The following CHAF1A variants were observed in gnomAD, a reference collection of about 807,000 sequenced individuals.
The protein encoded by CHAF1A is CAF-1 subunit A.
Under a neutral mutation model 93.2 loss-of-function variants are expected in CHAF1A, and 5 were observed. The ratio of observed to expected loss-of-function variants is 0.05; its 90% CI spans 0.03 to 0.11. The LOEUF is 0.11. CHAF1A is among the 10% of genes least tolerant of loss of function. The probability of loss-of-function intolerance (pLI) is 1.00; values close to 1 mark genes in which losing one functional copy is unlikely to be tolerated. For missense variants in CHAF1A, 1,102 were observed against 1,259.9 expected (o/e 0.87, Z 1.90); for synonymous variants, 504 against 510.3 (o/e 0.99, Z 0.17).
In CHAF1A at chr19:4,411,686, C is replaced by T. The variant is rs1370710786; in HGVS notation, c.960+1927C>T. 7.0e-4 allele frequency among the ~76,000 whole-genome samples: 51 copies of T among 73,234 alleles called. 1 individual carries two copies. The highest frequency in any genetic ancestry group is 2.4e-3 in the Admixed American group (17 of 7,006). 48.0% of individuals were successfully genotyped at this position (73,234 alleles called of 152,430 possible). A position where few individuals can be genotyped will look rare whatever the true frequency, so the allele number is the denominator to read the frequency against. On this transcript the variant is annotated intron_variant, in intron 3 of 14. Transcript: ENST00000301280. ...TTTTTGAGACATGGTCTCACCCTGT[C>T]GCCCAGGCTGGAGGGCAATGGCATG...
At chr19:4,431,362 C>T (rs1163687136) in intron 11 of CHAF1A, among the ~76,000 whole-genome samples, 1 of 152,110 alleles carries the variant, frequency 6.6e-6, no homozygotes, top group African/African-American at 2.4e-5. Flanking sequence ...CTCCTGACCT[C>T]CAGTGATCCA....
intron 1 of CHAF1A, among the ~76,000 whole-genome samples, chr19:4,404,858 AT>A (rs968590498): frequency 6.6e-6 from 1 of 151,866 alleles, no homozygotes; most frequent in Admixed American, 6.6e-5. Context: ...GTTTCTTGAG[AT>A]TTTTTTTGCA....
chr19:4,403,599 C>T (rs1343953260), intron 1 of CHAF1A, among the ~76,000 whole-genome samples: 1 of 152,270 alleles, frequency 6.6e-6, no homozygotes, highest in Non-Finnish European at 1.5e-5. Context: ...TTGTTGCCGT[C>T]CTGGGCACGG....
rs149366539 is a variant in CHAF1A at position 4,424,724 on chromosome 19, T to G, written c.1377+850T>G. The stretch of plus-strand genomic sequence containing the variant: ...ATCTCAGCTCACTGCAACGTCCACC[T>G]CCCGGGTTCCAGTGATTCTTCTGTG... On this transcript the variant is annotated intron_variant, in intron 7 of 14. Coordinates refer to ENST00000301280, the MANE Select transcript of CHAF1A (RefSeq NM_005483.3). Among the ~76,000 whole-genome samples the G allele has an allele frequency of 6.8e-4, 104 of 152,338 alleles. 1 individual carries two copies. The highest frequency in any genetic ancestry group is 2.2e-3 in the African/African-American group (92 of 41,576).
downstream of CHAF1A, chr19:4,447,680 C>T (rs1006115308): frequency 1.3e-6 from 2 of 1,570,168 alleles, no homozygotes; most frequent in Non-Finnish European, 1.8e-6. Flanking sequence ...CACCCGGCCC[C>T]TCTGTGCCTC....
intron 7 of CHAF1A, among the ~76,000 whole-genome samples, chr19:4,425,370 A>T (rs534503556): frequency 3.3e-5 from 5 of 152,136 alleles, no homozygotes; most frequent in African/African-American, 9.6e-5. Context: ...CTTCTACCTC[A>T]GCCTCCCGAG....
intron 4 of CHAF1A, 61 bp downstream of exon 4, chr19:4,418,137 G>A (rs915019634): frequency 8.5e-7 from 1 of 1,183,414 alleles, no homozygotes; most frequent in African/African-American, 1.5e-5. Context: ...TAAATAGTAA[G>A]CAAAGCCCTT....
intron 14 of CHAF1A, among the ~76,000 whole-genome samples, chr19:4,442,654 C>T (rs568407023): frequency 6.6e-6 from 1 of 152,346 alleles, no homozygotes; most frequent in African/African-American, 2.4e-5. Flanking sequence ...TTCTGGAGCA[C>T]TCGCCAAAGA....
At chr19:4,438,500 T>C (rs1446172558) in intron 13 of CHAF1A, among the ~76,000 whole-genome samples, 1 of 151,686 alleles carries the variant, frequency 6.6e-6, no homozygotes, top group Non-Finnish European at 1.5e-5. Flanking sequence ...AGTCTTTAAA[T>C]CTTTTTACTT....
chr19:4,446,995 G>A (rs1425964274), downstream of CHAF1A: 2 of 1,478,392 alleles, frequency 1.4e-6, no homozygotes, highest in Non-Finnish European at 9.3e-7. Context: ...CCAGTCCAGG[G>A]GCCCGGCTCT....
At chr19:4,448,463 C>T (rs756701594), downstream of CHAF1A, 7 of 1,480,784 alleles carry the variant, frequency 4.7e-6, no homozygotes, top group South Asian at 1.2e-5. Flanking sequence ...GCCCGGGCCG[C>T]ACGGCCCTCC....
intron 2 of CHAF1A, among the ~76,000 whole-genome samples, chr19:4,406,219 G>A (rs1568428368): frequency 6.6e-6 from 1 of 152,218 alleles, no homozygotes; most frequent in Non-Finnish European, 1.5e-5. Context: ...AGGGAGCGTA[G>A]CAGCATCCCT....
chr19:4,440,767 G>C (rs1974372397), intron 13 of CHAF1A, among the ~76,000 whole-genome samples: 1 of 151,806 alleles, frequency 6.6e-6, no homozygotes, highest in Non-Finnish European at 1.5e-5. Context: ...GCAGGTGACT[G>C]ACTGCTCCAT....
chr19:4,418,773 G>A (rs1051323698), intron 4 of CHAF1A, among the ~76,000 whole-genome samples: 4 of 152,012 alleles, frequency 2.6e-5, no homozygotes, highest in African/African-American at 7.2e-5. Flanking sequence ...CTCTACACTC[G>A]ATGGGTGGTT....
chr19:4,445,093 T>TCA (rs1974475730), downstream of CHAF1A: 1 of 190,672 alleles, frequency 5.2e-6, no homozygotes, highest in Admixed American at 5.5e-5. Flanking sequence ...CCTGCCGTTG[T>TCA]CACCCACATC....
downstream of CHAF1A, chr19:4,445,452 G>A (rs780583507): frequency 1.2e-6 from 2 of 1,611,158 alleles, no homozygotes; most frequent in Non-Finnish European, 1.7e-6. Context: ...GGAACAGGGA[G>A]AGCATGAGAC....
rs1424778636 is a variant in CHAF1A, at chr19:4,428,650, C to T, written c.1378-14C>T. The T allele has an allele frequency of 1.9e-6, 3 of 1,611,170 alleles. No homozygotes were observed. The highest frequency in any genetic ancestry group is 2.2e-5 in the East Asian group (1 of 44,824). ...ATTGCTCGAAGACCCCATCGGGTCT[C>T]TTCTTGATTTCAGACCCTGGCCGGC... On this transcript the variant is annotated splice_polypyrimidine_tract_variant and intron_variant, in intron 7 of 14. Transcript: ENST00000301280.
rs746820349 is a variant in CHAF1A at position 4,429,458 on chromosome 19, G to A, written c.1625G>A (p.Arg542His). The change falls in exon 9 of 15, where the codon CGT becomes CAT. Residue 542 changes from arginine (R) to histidine (H), a missense_variant. By Grantham distance (29) the Arg-to-His change is conservative. This residue lies in a region of CHAF1A where 335 missense variants were observed against 361.9 expected (regional missense o/e 0.93). Transcript: ENST00000301280. ...IFNSDVVIVE[R>H]GKGDGVPERR... Reference sequence around the variant, plus strand: ...CTCAGTGATGTCGTCATCGTGGAGCGTGGGAAGGGCGACGGTGTTCCCGAG... The same window carrying A: ...CTCAGTGATGTCGTCATCGTGGAGCATGGGAAGGGCGACGGTGTTCCCGAG... 18 of 1,613,886 alleles carry A rather than the reference G, an allele frequency of 1.1e-5. No homozygotes were observed. The highest frequency in any genetic ancestry group is 6.7e-5 in the African/African-American group (5 of 74,884).
chr19:4,447,279 G>C, downstream of CHAF1A: 1 of 572,282 alleles, frequency 1.7e-6, no homozygotes, highest in East Asian at 2.9e-5. Flanking sequence ...CCCCAGAGTC[G>C]ACATGTTCCC....
Sources: gnomAD v4.1 joint callset for allele counts (sites outside exome capture counted in the v4.1 genomes callset) on GRCh38, gnomAD v4.1.1 for gene constraint, gnomAD v4.1.1 regional missense constraint, MANE v1.5 for transcripts, NCBI Gene and HGNC (gene_info 2026-07-23, HGNC 2026-07-21) for gene names.